UGT2B11: variants seen among roughly 807,000 people sequenced by gnomAD.
UGT2B11 encodes UDP-glucuronosyltransferase 2B11.
A neutral mutation model predicts 51.7 loss-of-function variants in UGT2B11; 49 were observed. The observed-to-expected ratio is 0.95, with a 90% CI of 0.75 to 1.20. The LOEUF (loss-of-function observed/expected upper bound fraction) is 1.20. Ranked by LOEUF, UGT2B11 falls within the 50% of genes most tolerant of loss-of-function variation. The probability of loss-of-function intolerance (pLI) is 0.00; values close to 1 mark genes in which losing one functional copy is unlikely to be tolerated. For missense variants in UGT2B11, 810 were observed against 622.1 expected (o/e 1.30, Z -3.21); for synonymous variants, 273 against 209.0 (o/e 1.31, Z -2.64).
At chr4:69,219,782 G>T in the UGT2B11 span, among the ~76,000 whole-genome samples, 2 of 152,144 alleles carry the variant, frequency 1.3e-5, no homozygotes, top group Admixed American at 6.5e-5. Flanking sequence ...CTCTCACCAA[G>T]TTCCTCCCAC....
the UGT2B11 span, among the ~76,000 whole-genome samples, chr4:69,222,165 T>G: frequency 6.6e-6 from 1 of 152,260 alleles, no homozygotes; most frequent in Admixed American, 6.5e-5. Flanking sequence ...AACACTGAGG[T>G]TGCCAGGTTT....
At chr4:69,205,231 A>T (rs1721804629) in intron 4 of UGT2B11, among the ~76,000 whole-genome samples, 1 of 151,748 alleles carries the variant, frequency 6.6e-6, no homozygotes, top group African/African-American at 2.4e-5. Context: ...GCCCAGGAAG[A>T]TATTGAAAAA....
In UGT2B11 at chr4:69,214,317, C is replaced by G. The variant is rs754069154; in HGVS notation, c.406G>C (p.Val136Leu). 23 of 1,612,998 alleles carry G rather than the reference C, an allele frequency of 1.4e-5. No individual in the cohort carries two copies. The highest frequency in any genetic ancestry group is 1.6e-4 in the Middle Eastern group (1 of 6,078). ...CTTGACTCTTGTAGTTTTTTCATAA[C>G]TTTCTTATTTGAAACTACATCTTTA... ...FCKDVVSNKK[V>L]MKKLQESRFD... The change falls in exon 1 of 6, where the codon GTT becomes CTT. Residue 136 changes from valine to leucine, a missense_variant. Val to Leu is a conservative substitution (Grantham distance 32). Coordinates refer to ENST00000446444, the MANE Select transcript of UGT2B11 (RefSeq NM_001073.3).
the UGT2B11 span, among the ~76,000 whole-genome samples, chr4:69,221,712 A>T: frequency 6.6e-6 from 1 of 152,166 alleles, no homozygotes; most frequent in African/African-American, 2.4e-5. Context: ...ACAGACTTTG[A>T]GGACAGTCAT....
intron 1 of UGT2B11, among the ~76,000 whole-genome samples, chr4:69,212,991 T>A (rs951816581): frequency 9.2e-5 from 14 of 151,488 alleles, no homozygotes; most frequent in African/African-American, 3.1e-4. Context: ...AAATAAGTCA[T>A]AGATAATTAA....
upstream of UGT2B11, among the ~76,000 whole-genome samples, chr4:69,216,981 T>C (rs1722290333): frequency 6.6e-6 from 1 of 152,138 alleles, no homozygotes; most frequent in Non-Finnish European, 1.5e-5. Context: ...ACAATTATGA[T>C]ATTAGCATCA....
At chr4:69,209,494 A>G (rs1237612835) in intron 2 of UGT2B11, among the ~76,000 whole-genome samples, 1 of 151,726 alleles carries the variant, frequency 6.6e-6, no homozygotes, top group Non-Finnish European at 1.5e-5. Flanking sequence ...GAGTTCCCCA[A>G]TGTATACCAA....
At chr4:69,223,602 G>C in the UGT2B11 span, among the ~76,000 whole-genome samples, 1 of 152,192 alleles carries the variant, frequency 6.6e-6, no homozygotes, top group Non-Finnish European at 1.5e-5. Context: ...TGCATGCTAA[G>C]GCCCAATTTA....
the UGT2B11 span, among the ~76,000 whole-genome samples, chr4:69,221,866 T>A: frequency 6.6e-6 from 1 of 152,254 alleles, no homozygotes; most frequent in Non-Finnish European, 1.5e-5. Flanking sequence ...CTCAGTCCTG[T>A]TGCTGAATCA....
At chr4:69,208,297 A>G in intron 3 of UGT2B11, 54 bp downstream of exon 3, 2 of 1,601,504 alleles carry the variant, frequency 1.2e-6, no homozygotes, top group South Asian at 1.1e-5. Context: ...TAGATCACAA[A>G]CATTAACAGC....
the UGT2B11 span, among the ~76,000 whole-genome samples, chr4:69,223,565 G>A: frequency 2.6e-5 from 4 of 152,312 alleles, no homozygotes; most frequent in South Asian, 2.1e-4. Flanking sequence ...GGGTGGCAAG[G>A]CCTGGGACTG....
At chr4:69,203,505 T>C (rs1721735952) in intron 5 of UGT2B11, among the ~76,000 whole-genome samples, 3 of 151,616 alleles carry the variant, frequency 2.0e-5, no homozygotes, top group Admixed American at 6.6e-5. Flanking sequence ...TAGTATCAAC[T>C]CAAAAGAAAG....
At chr4:69,214,838 G>A (rs147562824), upstream of UGT2B11, 2,587 of 1,476,272 alleles carry the variant, frequency 1.8e-3, 39 homozygotes, top group East Asian at 0.025. Context: ...ATATATTATA[G>A]GAGCATCCTG....
intron 5 of UGT2B11, among the ~76,000 whole-genome samples, chr4:69,201,503 T>G (rs1265000749): frequency 1.3e-5 from 2 of 151,814 alleles, no homozygotes; most frequent in African/African-American, 2.4e-5. Flanking sequence ...CTGGCAAGCT[T>G]TTTTCTAACA....
At chr4:69,212,459 A>G in intron 2 of UGT2B11, 114 bp downstream of exon 2, 1 of 1,525,066 alleles carries the variant, frequency 6.6e-7, no homozygotes, top group Non-Finnish European at 8.8e-7. Flanking sequence ...GCTTTACACC[A>G]CCTACTTCCC....
chr4:69,214,982 G>C, upstream of UGT2B11: 1 of 443,120 alleles, frequency 2.3e-6, no homozygotes. Flanking sequence ...CCTGTTTTAT[G>C]TAACCTACTT....
chr4:69,216,552 G>A (rs896474952), upstream of UGT2B11: 5 of 151,130 alleles, frequency 3.3e-5, no homozygotes, highest in African/African-American at 9.7e-5. Flanking sequence ...GTATTTCATC[G>A]GCCACACCAG....
chr4:69,204,408 T>G, intron 5 of UGT2B11, 22 bp downstream of exon 5: 2 of 1,609,912 alleles, frequency 1.2e-6, no homozygotes, highest in Non-Finnish European at 8.5e-7. Context: ...TACCACCTAG[T>G]GAAAAACATT....
the UGT2B11 span, among the ~76,000 whole-genome samples, chr4:69,224,084 C>A: frequency 1.3e-5 from 2 of 152,152 alleles, no homozygotes; most frequent in African/African-American, 4.8e-5. Context: ...GAAACACATG[C>A]CTGATCCTCG....
Sources: allele counts gnomAD v4.1 joint callset (sites outside exome capture counted in the v4.1 genomes callset), GRCh38; gene constraint gnomAD v4.1.1; transcripts MANE v1.5; gene names NCBI Gene and HGNC (gene_info 2026-07-23, HGNC 2026-07-21).